Variants in RHCE observed in about 807,000 individuals in gnomAD.
RHCE encodes the protein blood group Rh(CE) polypeptide.
RHCE carries 22 observed loss-of-function variants against 43.8 expected under a neutral mutation model. The ratio of observed to expected loss-of-function variants is 0.50; its 90% CI spans 0.36 to 0.72. RHCE has a LOEUF of 0.72. Ranked by LOEUF, RHCE falls within the 30% of genes least tolerant of loss-of-function variation. The probability of loss-of-function intolerance (pLI) is 0.00; values close to 1 mark genes in which losing one functional copy is unlikely to be tolerated. For synonymous variants in RHCE, 156 were observed against 210.7 expected (o/e 0.74, Z 2.25); for missense variants, 385 against 525.4 (o/e 0.73, Z 2.61).
chr1:25,422,948 G>C (rs530450621), upstream of RHCE, among the ~76,000 whole-genome samples: 208 of 152,238 alleles, frequency 1.4e-3, no homozygotes, highest in Non-Finnish European at 2.1e-3. Context: ...GACAGGAGGC[G>C]GAGCTCAGGC....
intron 7 of RHCE, among the ~76,000 whole-genome samples, chr1:25,379,495 A>ATTTTTT (rs770791604): frequency 7.4e-5 from 2 of 27,092 alleles, no homozygotes; most frequent in Admixed American, 7.4e-4. Flanking sequence ...ATATATATAT[A>ATTTTTT]TTTTTTTTTT....
intron 6 of RHCE, 32 bp downstream of exon 6, chr1:25,388,944 A>G: frequency 6.2e-7 from 1 of 1,614,248 alleles, no homozygotes; most frequent in Non-Finnish European, 8.5e-7. Flanking sequence ...CCTTCAGCCA[A>G]AGCAGAGAGC....
chr1:25,379,221 C>T (rs937857319), intron 7 of RHCE, among the ~76,000 whole-genome samples: 1 of 151,838 alleles, frequency 6.6e-6, no homozygotes, highest in African/African-American at 2.4e-5. Flanking sequence ...GCTCAGGTCT[C>T]TCTTCCTCTT....
At chr1:25,426,265 G>A (rs2042804490) in intron 2 of RHCE, among the ~76,000 whole-genome samples, 1 of 152,228 alleles carries the variant, frequency 6.6e-6, no homozygotes, top group Non-Finnish European at 1.5e-5. Flanking sequence ...TGTTTTGAGT[G>A]TATATCCTTT....
intron 1 of RHCE, among the ~76,000 whole-genome samples, chr1:25,412,594 C>T (rs1464671152): frequency 6.6e-6 from 1 of 151,906 alleles, no homozygotes; most frequent in East Asian, 1.9e-4. Context: ...TGCCTGTAGT[C>T]CCAGCTACTC....
At chr1:25,418,415 G>A (rs765532599) in intron 1 of RHCE, among the ~76,000 whole-genome samples, 1 of 151,690 alleles carries the variant, frequency 6.6e-6, no homozygotes, top group Non-Finnish European at 1.5e-5. Context: ...AGGCTGGAGT[G>A]TAATGGCCTC....
intron 1 of RHCE, among the ~76,000 whole-genome samples, chr1:25,416,819 C>CA (rs374204674): frequency 6.0e-5 from 7 of 116,784 alleles, no homozygotes; most frequent in South Asian, 5.4e-4. Flanking sequence ...TTAGAGATGG[C>CA]GGGGGGGGGT....
chr1:25,402,376 A>G (rs1646781346), intron 3 of RHCE, among the ~76,000 whole-genome samples: 1 of 152,092 alleles, frequency 6.6e-6, no homozygotes, highest in Non-Finnish European at 1.5e-5. Flanking sequence ...GCATGCCACC[A>G]CAACTGGATA....
intron 1 of RHCE, among the ~76,000 whole-genome samples, chr1:25,429,581 A>C (rs2042834079): frequency 6.6e-6 from 1 of 152,216 alleles, no homozygotes; most frequent in Non-Finnish European, 1.5e-5. Context: ...AGCTGCATTA[A>C]AACATGTAAA....
chr1:25,381,756 C>G (rs116429668), intron 7 of RHCE, among the ~76,000 whole-genome samples: 2,060 of 149,570 alleles, frequency 0.014, 115 homozygotes, highest in African/African-American at 0.05. Context: ...CCGTGCCTGG[C>G]CTAATGCTCC....
At chr1:25,391,438 TG>T (rs1646359653) in intron 4 of RHCE, among the ~76,000 whole-genome samples, 1 of 151,930 alleles carries the variant, frequency 6.6e-6, no homozygotes, top group Admixed American at 6.6e-5. Context: ...CCACCCACCT[TG>T]GCCTCCCAAA....
rs1272711347 is a variant in RHCE at position 25,379,489 on chromosome 1, ATATATATTTTTTTTTTT to A, written c.1074-4078_1074-4062del. ...TATATATATATATATATATATATAT[ATATATATTTTTTTTTTT>A]TTTTTTTTTTTTTTTAAAGATGGGA... On this transcript the variant is annotated intron_variant, in intron 7 of 9. Transcript: ENST00000294413. Among the ~76,000 whole-genome samples, 149 of 19,554 alleles carry A rather than the reference ATATATATTTTTTTTTTT, an allele frequency of 7.6e-3. 1 individual carries two copies. Among genetic ancestry groups the A allele is most frequent in the South Asian group, 0.032 (12 of 376 alleles). The allele number at this position is 19,554 out of a possible 152,430, so 12.8% of individuals were successfully genotyped here.
chr1:25,417,228 T>C (rs1315531324), intron 1 of RHCE, among the ~76,000 whole-genome samples: 1 of 152,114 alleles, frequency 6.6e-6, no homozygotes. Context: ...ATTCATGCTA[T>C]ATTCAGATTT....
chr1:25,403,253 C>T (rs571911352), intron 2 of RHCE, among the ~76,000 whole-genome samples: 1,111 of 152,058 alleles, frequency 7.3e-3, no homozygotes, highest in African/African-American at 0.025. Context: ...AGGACAAGCC[C>T]GGCTTCCAGT....
Position 25,388,994 on chromosome 1 carries a change from C to T in RHCE, c.921G>A (p.Gly307=), listed in dbSNP as rs1375396091. Reference sequence around the variant, plus strand: ...TTCTTACCGGCAGGCACTTGGCTCCCCCGATGGAGATCAGCCCAGCCACAA... The same window carrying T: ...TTCTTACCGGCAGGCACTTGGCTCCTCCGATGGAGATCAGCCCAGCCACAA... ...LGLVAGLISI[G]GAKCLPVCCN... The change falls in exon 6 of 10, where the codon GGG becomes GGA. Residue 307 remains glycine, a synonymous_variant. Coordinates refer to ENST00000294413, the MANE Select transcript of RHCE (RefSeq NM_020485.8). 1.2e-6 allele frequency: 2 copies of T among 1,614,224 alleles called. No homozygotes were observed. Among genetic ancestry groups the T allele is most frequent in the South Asian group, 1.1e-5 (1 of 91,086 alleles).
upstream of RHCE, among the ~76,000 whole-genome samples, chr1:25,425,359 C>T (rs28412500): frequency 6.7e-3 from 1,023 of 152,298 alleles, 16 homozygotes; most frequent in African/African-American, 0.023. Context: ...GGCATCATTA[C>T]GCTTACAAAA....
chr1:25,387,761 T>G (rs935630440), intron 6 of RHCE, among the ~76,000 whole-genome samples: 1 of 152,226 alleles, frequency 6.6e-6, no homozygotes, highest in Non-Finnish European at 1.5e-5. Flanking sequence ...CCATCCATGT[T>G]GCTGCAAATG....
chr1:25,409,490 A>G (rs1290144126), intron 1 of RHCE, among the ~76,000 whole-genome samples: 2 of 124,550 alleles, frequency 1.6e-5, no homozygotes, highest in Non-Finnish European at 3.7e-5. Flanking sequence ...CCAGTCTCAG[A>G]CCCTGAGCAG....
intron 7 of RHCE, among the ~76,000 whole-genome samples, chr1:25,379,443 G>T (rs1290500158): frequency 4.5e-4 from 50 of 111,872 alleles, no homozygotes; most frequent in African/African-American, 1.5e-3. Context: ...CATCCCAATA[G>T]CACCAAAGTA....
Sources: gnomAD v4.1 joint callset for allele counts (sites outside exome capture counted in the v4.1 genomes callset) on GRCh38, gnomAD v4.1.1 for gene constraint, MANE v1.5 for transcripts, NCBI Gene and HGNC (gene_info 2026-07-23, HGNC 2026-07-21) for gene names.